The following TCEA3 variants were observed in gnomAD, a reference collection of about 807,000 sequenced individuals.
TCEA3 encodes the protein transcription elongation factor A protein 3.
Under a neutral mutation model 44.0 loss-of-function variants are expected in TCEA3, and 36 were observed. The ratio of observed to expected loss-of-function variants is 0.82; its 90% CI spans 0.63 to 1.08. TCEA3 has a LOEUF of 1.08. TCEA3 is among the 50% of genes least tolerant of loss of function. TCEA3 has a pLI of 0.00. For synonymous variants in TCEA3, 162 were observed against 159.7 expected (o/e 1.01, Z -0.11); for missense variants, 392 against 441.2 (o/e 0.89, Z 1.00).
chr1:23,391,072 G>A (rs1639010725), intron 8 of TCEA3, among the ~76,000 whole-genome samples: 2 of 151,680 alleles, frequency 1.3e-5, no homozygotes, highest in Non-Finnish European at 2.9e-5. Flanking sequence ...CCTGATGGGC[G>A]CTTCCCCTCA....
intron 9 of TCEA3, 94 bp downstream of exon 9, chr1:23,387,179 C>T (rs1274033304): frequency 4.0e-6 from 6 of 1,481,830 alleles, no homozygotes; most frequent in Non-Finnish European, 5.4e-6. Flanking sequence ...AACGCTTTCT[C>T]CCCTCTGGCT....
intron 4 of TCEA3, 66 bp downstream of exon 4, chr1:23,417,183 C>T: frequency 6.4e-7 from 1 of 1,562,014 alleles, no homozygotes; most frequent in East Asian, 2.2e-5. Context: ...AGATAATATA[C>T]ACTGAGTTGC....
Position 23,387,256 on chromosome 1 carries a change from C to A in TCEA3, c.966+17G>T. 1.9e-6 allele frequency: 3 copies of A among 1,612,502 alleles called. No individual in the cohort carries two copies. Among genetic ancestry groups the A allele is most frequent in the Non-Finnish European group, 2.5e-6 (3 of 1,179,350 alleles). On this transcript the variant is annotated intron_variant, in intron 9 of 10. Transcript: ENST00000450454. ...GCGGCCTCCTGCACCTCCGGCCCGTCCCCTCACTGTCCTTACCTGGTTATA... is the reference window on the plus strand; with the variant it reads ...GCGGCCTCCTGCACCTCCGGCCCGTACCCTCACTGTCCTTACCTGGTTATA...
chr1:23,382,877 G>A (rs17437989), intron 10 of TCEA3, among the ~76,000 whole-genome samples: 7,554 of 151,246 alleles, frequency 0.05, 279 homozygotes, highest in Non-Finnish European at 0.073. Flanking sequence ...ATCCCTAAGT[G>A]CTCAATAAGT....
At chr1:23,383,700 A>G in intron 10 of TCEA3, 1 of 985,498 alleles carries the variant, frequency 1.0e-6, no homozygotes, top group Non-Finnish European at 1.2e-6. Flanking sequence ...GTCAGAGAGC[A>G]GTTGGAAACT....
intron 7 of TCEA3, among the ~76,000 whole-genome samples, chr1:23,396,902 G>T (rs1639230793): frequency 6.6e-6 from 1 of 151,830 alleles, no homozygotes; most frequent in Non-Finnish European, 1.5e-5. Flanking sequence ...CTACTTGAGA[G>T]GCTGAGGCAG....
intron 1 of TCEA3, chr1:23,419,415 C>T (rs564535964): frequency 5.9e-5 from 20 of 341,826 alleles, no homozygotes; most frequent in Admixed American, 3.8e-4. Context: ...TGCCCTCCCC[C>T]TTCCCCATCT....
At chr1:23,398,337 A>T (rs1272447191) in intron 5 of TCEA3, among the ~76,000 whole-genome samples, 1 of 152,202 alleles carries the variant, frequency 6.6e-6, no homozygotes, top group Non-Finnish European at 1.5e-5. Flanking sequence ...ATTATATGCA[A>T]TTGATTAGGC....
At position 23,392,674 on chromosome 1, in the gene TCEA3, C is replaced by T. The variant is rs559102122; in HGVS notation, c.819+1205G>A. ...CCACACATCATACACACCACACACACTCCACACATCACACACACACACTCC... is the reference window on the plus strand; with the variant it reads ...CCACACATCATACACACCACACACATTCCACACATCACACACACACACTCC... On this transcript the variant is annotated intron_variant, in intron 8 of 10. Transcript: ENST00000450454. Among the ~76,000 whole-genome samples the T allele has an allele frequency of 4.1e-3, 624 of 151,988 alleles. 5 individuals carry two copies. The highest frequency in any genetic ancestry group is 0.014 in the African/African-American group (593 of 41,408).
intron 9 of TCEA3, among the ~76,000 whole-genome samples, chr1:23,384,698 G>C (rs6424117): frequency 2.1e-5 from 3 of 139,890 alleles, no homozygotes; most frequent in Admixed American, 7.3e-5. Flanking sequence ...GTGGAGTCTC[G>C]CTCTGTTGCC....
At chr1:23,408,490 C>T (rs1639616447) in intron 5 of TCEA3, 174 bp downstream of exon 5, 2 of 582,068 alleles carry the variant, frequency 3.4e-6, no homozygotes, top group South Asian at 5.3e-5. Context: ...CCAGAGGGTC[C>T]CCCAGGGCTG....
intron 8 of TCEA3, among the ~76,000 whole-genome samples, chr1:23,393,146 G>C (rs891327250): frequency 9.9e-5 from 15 of 152,168 alleles, no homozygotes; most frequent in Middle Eastern, 3.4e-3. Flanking sequence ...GTTCACAATA[G>C]GGTTCGTGCT....
chr1:23,409,715 A>G (rs1450177575), intron 4 of TCEA3, among the ~76,000 whole-genome samples: 1 of 151,742 alleles, frequency 6.6e-6, no homozygotes, highest in Non-Finnish European at 1.5e-5. Context: ...TGCCTAGCTA[A>G]TTTTTATATT....
intron 7 of TCEA3, among the ~76,000 whole-genome samples, chr1:23,395,248 A>G (rs1318097439): frequency 6.6e-6 from 1 of 152,230 alleles, no homozygotes; most frequent in African/African-American, 2.4e-5. Context: ...GTGTATTGAT[A>G]TGCGGAGCCA....
intron 7 of TCEA3, among the ~76,000 whole-genome samples, chr1:23,396,433 G>A (rs548502481): frequency 1.1e-4 from 17 of 152,216 alleles, no homozygotes; most frequent in African/African-American, 4.1e-4. Context: ...TGGTGCAACA[G>A]ATCTATGAAT....
chr1:23,412,871 A>C lies in TCEA3; in HGVS notation c.381-4145T>G, dbSNP rs76921413. 4.4e-3 allele frequency among the ~76,000 whole-genome samples: 663 copies of C among 152,384 alleles called. 6 individuals carry two copies. The highest frequency in any genetic ancestry group is 0.015 in the African/African-American group (641 of 41,598). On this transcript the variant is annotated intron_variant, in intron 4 of 10. Transcript: ENST00000450454. ...TTCTAAGTTTCACTAATGTGGTTACAGTGTTTGTATAATGAATTATCATTA... is the reference window on the plus strand; with the variant it reads ...TTCTAAGTTTCACTAATGTGGTTACCGTGTTTGTATAATGAATTATCATTA...
chr1:23,415,310 A>C (rs1639858682), intron 4 of TCEA3, among the ~76,000 whole-genome samples: 1 of 152,188 alleles, frequency 6.6e-6, no homozygotes, highest in African/African-American at 2.4e-5. Flanking sequence ...GGCATGGGCC[A>C]CTGCGCCCAG....
chr1:23,386,861 C>T (rs1042302518), intron 9 of TCEA3, among the ~76,000 whole-genome samples: 1 of 152,200 alleles, frequency 6.6e-6, no homozygotes, highest in South Asian at 2.1e-4. Flanking sequence ...GCTGGGACTA[C>T]AGGTGCCCGC....
chr1:23,421,784 G>A (rs528096612), intron 1 of TCEA3, among the ~76,000 whole-genome samples: 56 of 152,288 alleles, frequency 3.7e-4, no homozygotes, highest in South Asian at 1.2e-3. Context: ...TTTATTGTAA[G>A]CAGATAATGT....
Sources: gnomAD v4.1 joint callset for allele counts (sites outside exome capture counted in the v4.1 genomes callset) on GRCh38, gnomAD v4.1.1 for gene constraint, MANE v1.5 for transcripts, NCBI Gene and HGNC (gene_info 2026-07-23, HGNC 2026-07-21) for gene names.